PTPRD: variants seen among roughly 807,000 people sequenced by gnomAD.
PTPRD encodes receptor-type tyrosine-protein phosphatase delta.
PTPRD carries 34 observed loss-of-function variants against 214.5 expected under a neutral mutation model. That is an observed-to-expected ratio of 0.16 (90% CI 0.12 to 0.21). The LOEUF (loss-of-function observed/expected upper bound fraction) is 0.21. PTPRD is among the 10% of genes least tolerant of loss of function. The pLI is 1.00. For synonymous variants in PTPRD, 1,128 were observed against 845.7 expected (o/e 1.33, Z -5.79); for missense variants, 2,545 against 2,398.7 (o/e 1.06, Z -1.27).
intron 11 of PTPRD, among the ~76,000 whole-genome samples, chr9:8,994,136 G>A (rs1433628774): frequency 6.6e-6 from 1 of 152,088 alleles, no homozygotes; most frequent in Non-Finnish European, 1.5e-5. Flanking sequence ...TGAACTTAAG[G>A]ATCTCTGTTC....
chr9:8,445,303 C>G (rs1043229633), intron 34 of PTPRD, among the ~76,000 whole-genome samples: 1 of 152,086 alleles, frequency 6.6e-6, no homozygotes, highest in Non-Finnish European at 1.5e-5. Flanking sequence ...GATTAGGTAG[C>G]TCATGTTGTC....
At chr9:9,046,804 C>G (rs2099673321) in intron 10 of PTPRD, among the ~76,000 whole-genome samples, 1 of 152,140 alleles carries the variant, frequency 6.6e-6, no homozygotes. Context: ...ATACCCTTAG[C>G]TAGTATCATA....
At chr9:8,334,309 G>C (rs1219664459) in intron 43 of PTPRD, among the ~76,000 whole-genome samples, 1 of 151,432 alleles carries the variant, frequency 6.6e-6, no homozygotes, top group South Asian at 2.1e-4. Context: ...AAATGCAAAA[G>C]AAAGAATGGA....
intron 11 of PTPRD, among the ~76,000 whole-genome samples, chr9:8,758,544 A>G (rs1012327785): frequency 3.3e-5 from 5 of 152,210 alleles, no homozygotes; most frequent in Non-Finnish European, 5.9e-5. Context: ...GCTAGAATGA[A>G]AGGCTCATAA....
chr9:9,099,299 T>C (rs1324490907), intron 10 of PTPRD, among the ~76,000 whole-genome samples: 1 of 152,208 alleles, frequency 6.6e-6, no homozygotes, highest in East Asian at 1.9e-4. Flanking sequence ...TTCTTATTTG[T>C]CTCATTATCT....
intron 11 of PTPRD, among the ~76,000 whole-genome samples, chr9:8,788,984 T>A (rs1038586807): frequency 6.6e-6 from 1 of 152,182 alleles, no homozygotes; most frequent in African/African-American, 2.4e-5. Flanking sequence ...TAGCTATATA[T>A]ATGCATCACA....
At chr9:9,819,752 A>T (rs974471980) in intron 5 of PTPRD, among the ~76,000 whole-genome samples, 2 of 152,136 alleles carry the variant, frequency 1.3e-5, no homozygotes, top group Non-Finnish European at 1.5e-5. Context: ...CTTATGAGTG[A>T]GAACATGTTC....
At position 10,215,033 on chromosome 9, in the gene PTPRD, T is replaced by C. The variant is rs1310228533; in HGVS notation, c.-545+125930A>G. Reference sequence around the variant, plus strand: ...TTACATTGGACAATGAAGTAGAAGCTGATTCCATACTCTAGTCTTAAAATG... The same window carrying C: ...TTACATTGGACAATGAAGTAGAAGCCGATTCCATACTCTAGTCTTAAAATG... On this transcript the variant is annotated intron_variant, in intron 3 of 45. Coordinates refer to ENST00000381196, the MANE Select transcript of PTPRD (RefSeq NM_002839.4). Among the ~76,000 whole-genome samples the C allele has an allele frequency of 2.6e-5, 4 of 152,098 alleles. No homozygotes were observed. In the East Asian group the frequency reaches 7.7e-4, roughly 29 times the overall value.
intron 3 of PTPRD, among the ~76,000 whole-genome samples, chr9:10,321,567 A>G (rs1253125790): frequency 1.3e-5 from 2 of 152,128 alleles, no homozygotes; most frequent in Non-Finnish European, 2.9e-5. Context: ...ATTTCAAATC[A>G]GAGCAATGAA....
chr9:8,696,973 C>T (rs927294962), intron 12 of PTPRD, among the ~76,000 whole-genome samples: 2 of 133,628 alleles, frequency 1.5e-5, no homozygotes, highest in African/African-American at 3.2e-5. Context: ...TTTTCTCTTT[C>T]TTTTAAAAAA....
At chr9:8,333,815 A>T (rs1843887272) in intron 43 of PTPRD, among the ~76,000 whole-genome samples, 1 of 151,924 alleles carries the variant, frequency 6.6e-6, no homozygotes, top group Non-Finnish European at 1.5e-5. Flanking sequence ...TAGGCTCAAC[A>T]TAAAGGGATG....
At chr9:9,601,743 G>A (rs1490049587) in intron 7 of PTPRD, among the ~76,000 whole-genome samples, 3 of 152,028 alleles carry the variant, frequency 2.0e-5, no homozygotes, top group Non-Finnish European at 2.9e-5. Context: ...AAAAGGTTAA[G>A]ATCATTGTTC....
At chr9:9,590,574 A>G (rs1375645525) in intron 7 of PTPRD, among the ~76,000 whole-genome samples, 2 of 151,988 alleles carry the variant, frequency 1.3e-5, no homozygotes, top group Non-Finnish European at 1.5e-5. Context: ...GAAATATTAA[A>G]CATGTAATTT....
At position 9,968,749 on chromosome 9, in the gene PTPRD, C is replaced by A. The variant is rs146507661; in HGVS notation, c.-471-30139G>T. On this transcript the variant is annotated intron_variant, in intron 4 of 45. Coordinates refer to ENST00000381196, the MANE Select transcript of PTPRD (RefSeq NM_002839.4). Reference sequence around the variant, plus strand: ...CAGAAACAACAACAACAACAAAAACCAAACAAACAAAAAATTAGCACAACG... The same window carrying A: ...CAGAAACAACAACAACAACAAAAACAAAACAAACAAAAAATTAGCACAACG... 2.2e-4 allele frequency among the ~76,000 whole-genome samples: 34 copies of A among 152,132 alleles called. No homozygotes were observed. The East Asian group carries it at 6.4e-3, about 29-fold the overall frequency.
chr9:9,913,060 T>C (rs773024297), intron 5 of PTPRD, among the ~76,000 whole-genome samples: 10 of 152,166 alleles, frequency 6.6e-5, no homozygotes, highest in Non-Finnish European at 1.3e-4. Context: ...TATAAGATCA[T>C]ACAAATATGT....
chr9:8,753,579 G>A (rs2093719453), intron 11 of PTPRD, among the ~76,000 whole-genome samples: 1 of 146,720 alleles, frequency 6.8e-6, no homozygotes, highest in Non-Finnish European at 1.5e-5. Context: ...TTACTAGAAT[G>A]TGTGAAAAAG....
chr9:10,348,070 G>C (rs921892834), intron 2 of PTPRD, among the ~76,000 whole-genome samples: 3 of 151,974 alleles, frequency 2.0e-5, no homozygotes, highest in African/African-American at 7.2e-5. Context: ...AAAACAAAAT[G>C]TACAATAGAT....
intron 11 of PTPRD, among the ~76,000 whole-genome samples, chr9:8,736,305 T>C (rs764616635): frequency 2.0e-5 from 3 of 152,208 alleles, no homozygotes; most frequent in Non-Finnish European, 2.9e-5. Context: ...AGTACACTCT[T>C]AATGAAAAAT....
intron 3 of PTPRD, among the ~76,000 whole-genome samples, chr9:10,089,404 A>T (rs1420840524): frequency 1.3e-5 from 2 of 151,652 alleles, no homozygotes; most frequent in Non-Finnish European, 3.0e-5. Context: ...GTTTTAAAAA[A>T]GTATGGCATG....
Sources: gnomAD v4.1 joint callset for allele counts (sites outside exome capture counted in the v4.1 genomes callset) on GRCh38, gnomAD v4.1.1 for gene constraint, MANE v1.5 for transcripts, NCBI Gene and HGNC (gene_info 2026-07-23, HGNC 2026-07-21) for gene names.